Variants in MRPL37 observed in about 807,000 individuals in gnomAD.
MRPL37 encodes the protein mitochondrial ribosomal protein L37.
Under a neutral mutation model 44.1 loss-of-function variants are expected in MRPL37, and 34 were observed. The ratio of observed to expected loss-of-function variants is 0.77; its 90% CI spans 0.59 to 1.03. MRPL37 has a LOEUF of 1.03. MRPL37 is among the 50% of genes least tolerant of loss of function. The probability of loss-of-function intolerance (pLI) is 0.00; values close to 1 mark genes in which losing one functional copy is unlikely to be tolerated. For synonymous variants in MRPL37, 212 were observed against 219.5 expected, an observed-to-expected ratio of 0.97 and a Z score of 0.30; for missense variants, 532 against 543.7, an observed-to-expected ratio of 0.98 and a Z score of 0.21.
intron 5 of MRPL37, 39 bp downstream of exon 5, chr1:54,212,697 G>C (rs372112531): frequency 6.2e-7 from 1 of 1,612,772 alleles, no homozygotes; most frequent in African/African-American, 1.3e-5. Flanking sequence ...GCTTTACGTG[G>C]TGTTGGTCTC....
intron 5 of MRPL37, among the ~76,000 whole-genome samples, chr1:54,215,319 G>C (rs990062092): frequency 1.3e-5 from 2 of 152,132 alleles, no homozygotes; most frequent in Non-Finnish European, 2.9e-5. Context: ...TCTGTTAGTG[G>C]GAATATACCT....
downstream of MRPL37, among the ~76,000 whole-genome samples, chr1:54,222,178 C>G (rs769745490): frequency 4.6e-5 from 7 of 152,232 alleles, no homozygotes; most frequent in Non-Finnish European, 1.0e-4. Context: ...AGGGCTCTTA[C>G]ATGGTCCCTG....
intron 5 of MRPL37, 152 bp downstream of exon 5, chr1:54,212,810 T>C: frequency 9.5e-7 from 1 of 1,047,882 alleles, no homozygotes; most frequent in South Asian, 1.6e-5. Flanking sequence ...CCTGTGGAGA[T>C]GAGCCAACAT....
downstream of MRPL37, among the ~76,000 whole-genome samples, chr1:54,223,372 A>G (rs966117555): frequency 6.6e-6 from 1 of 152,216 alleles, no homozygotes; most frequent in Admixed American, 6.5e-5. Context: ...TCTGGGCTCA[A>G]TCTCCTGGAG....
In MRPL37 at chr1:54,209,967, G is replaced by A. The variant is rs762696753; in HGVS notation, c.668G>A (p.Arg223His). The change falls in exon 4 of 7, where the codon CGT becomes CAT. Residue 223 changes from arginine to histidine, a missense_variant. Coordinates refer to ENST00000360840, the MANE Select transcript of MRPL37 (RefSeq NM_016491.4). Reference protein sequence around the residue: ...WNRESLLLQVRGSGGARLSTK... With the variant: ...WNRESLLLQVHGSGGARLSTK... ...TTAGAGTCTCTTCTCCTTCAAGTCCGTGGTTCTGGTGGAGCCCGACTGAGC... is the reference window on the plus strand; with the variant it reads ...TTAGAGTCTCTTCTCCTTCAAGTCCATGGTTCTGGTGGAGCCCGACTGAGC... 34 of 1,613,948 alleles carry A rather than the reference G, an allele frequency of 2.1e-5. No homozygotes were observed. Among genetic ancestry groups the A allele is most frequent in the South Asian group, 9.9e-5 (9 of 91,058 alleles).
downstream of MRPL37, among the ~76,000 whole-genome samples, chr1:54,221,773 G>A (rs1644236386): frequency 2.0e-5 from 3 of 152,188 alleles, no homozygotes; most frequent in Admixed American, 2.0e-4. Context: ...TGGAACCCAA[G>A]AATAGGTCCA....
chr1:54,208,126 T>C (rs1372633779), intron 3 of MRPL37, among the ~76,000 whole-genome samples: 1 of 152,216 alleles, frequency 6.6e-6, no homozygotes, highest in Non-Finnish European at 1.5e-5. Context: ...GTTTTCCTCT[T>C]GTCACCTACG....
At chr1:54,222,530 A>T (rs1644243325), downstream of MRPL37, among the ~76,000 whole-genome samples, 3 of 152,086 alleles carry the variant, frequency 2.0e-5, no homozygotes. Flanking sequence ...CCCCACTAGC[A>T]AGAAGCCCTC....
chr1:54,208,355 T>A lies in MRPL37; in HGVS notation c.647-1591T>A, dbSNP rs573376384. Among the ~76,000 whole-genome samples, 8 of 151,974 alleles carry A rather than the reference T, an allele frequency of 5.3e-5. No individual in the cohort carries two copies. In the South Asian group the frequency reaches 8.3e-4, roughly 16 times the overall value. On this transcript the variant is annotated intron_variant, in intron 3 of 6. Transcript: ENST00000360840. ...CAGGAGATCAAGACCATCCTGGCTA[T>A]CACGGTGAAACCCGGTCTCTACTAA...
chr1:54,201,538 C>T (rs553278060), intron 1 of MRPL37, among the ~76,000 whole-genome samples: 1 of 152,320 alleles, frequency 6.6e-6, no homozygotes, highest in East Asian at 1.9e-4. Flanking sequence ...AGATTACATT[C>T]GTTTGCCTAG....
At position 54,210,041 on chromosome 1, in the gene MRPL37, A is replaced by C. The variant is rs140065383; in HGVS notation, c.742A>C (p.Thr248Pro). 1 of 1,614,176 alleles carries C rather than the reference A, an allele frequency of 6.2e-7. No homozygotes were observed. The highest frequency in any genetic ancestry group is 1.1e-5 in the South Asian group (1 of 91,072). ...TIASREEIEA[T>P]KNHVLETFYP... ...CGCCTCCAGAGAGGAGATTGAAGCT[A>C]CTAAGAATCATGTTCTAGAGACCTT... Residue 248 changes from threonine to proline, a missense_variant, in exon 4 of 7, where the codon ACT becomes CCT. Thr to Pro is a conservative substitution (Grantham distance 38). Transcript: ENST00000360840.
downstream of MRPL37, among the ~76,000 whole-genome samples, chr1:54,220,446 G>C (rs1478429372): frequency 6.6e-6 from 1 of 152,200 alleles, no homozygotes; most frequent in South Asian, 2.1e-4. Flanking sequence ...CTACACTTTT[G>C]TGTCAAGGGA....
Position 54,216,326 on chromosome 1 carries a change from CAA to C in MRPL37, c.1180_1181del (p.Lys394GlufsTer36). On this transcript the variant is annotated frameshift_variant, in exon 6 of 7. Transcript: ENST00000360840. LOFTEE classifies it high-confidence loss of function. ...AGCATTTTTGGTGTCTCCCAGTGAT[CAA>C]AAAGAGAGTGGTTGTGGTAAGTTGA... Reference protein sequence around the residue: ...YQHFWCLPVIKKRVVVEPVGP... With the variant: ...YQHFWCLPVIXKRVVVEPVGP... The C allele has an allele frequency of 1.2e-6, 2 of 1,613,950 alleles. No homozygotes were observed. Among genetic ancestry groups the C allele is most frequent in the African/African-American group, 1.3e-5 (1 of 75,004 alleles).
intron 3 of MRPL37, among the ~76,000 whole-genome samples, chr1:54,208,042 C>A (rs931727026): frequency 3.3e-5 from 5 of 152,184 alleles, no homozygotes; most frequent in African/African-American, 1.2e-4. Flanking sequence ...ATGTGACCTC[C>A]TGTGGGGACC....
rs183581380 is a variant in MRPL37 at position 54,209,898 on chromosome 1, C to T, written c.647-48C>T. 2.7e-4 allele frequency: 430 copies of T among 1,584,064 alleles called. No individual in the cohort carries two copies. The African/African-American group carries it at 5.0e-3, about 18-fold the overall frequency. Reference sequence around the variant, plus strand: ...AGGCATGAGCTACTGCGCCTAGCTGCGAAAGCCTTTAGTACCAGGTTAGAG... The same window carrying T: ...AGGCATGAGCTACTGCGCCTAGCTGTGAAAGCCTTTAGTACCAGGTTAGAG... On this transcript the variant is annotated intron_variant, in intron 3 of 6. Coordinates refer to ENST00000360840, the MANE Select transcript of MRPL37 (RefSeq NM_016491.4).
downstream of MRPL37, among the ~76,000 whole-genome samples, chr1:54,224,742 A>G (rs2100525917): frequency 6.6e-6 from 1 of 152,024 alleles, no homozygotes; most frequent in East Asian, 1.9e-4. Context: ...CGTGCAAGTC[A>G]GCATCCATAG....
chr1:54,209,939 C>G lies in MRPL37; in HGVS notation c.647-7C>G. 3 of 1,613,340 alleles carry G rather than the reference C, an allele frequency of 1.9e-6. No homozygotes were observed. Among genetic ancestry groups the G allele is most frequent in the Non-Finnish European group, 2.5e-6 (3 of 1,179,702 alleles). ...CAGGTTAGAGTAACCATTTTTCTCCCTTTTAGAGTCTCTTCTCCTTCAAGT... is the reference window on the plus strand; with the variant it reads ...CAGGTTAGAGTAACCATTTTTCTCCGTTTTAGAGTCTCTTCTCCTTCAAGT... On this transcript the variant is annotated splice_polypyrimidine_tract_variant and splice_region_variant and intron_variant, in intron 3 of 6. Transcript: ENST00000360840.
rs1192402394 is a variant in MRPL37 at position 54,200,595 on chromosome 1, G to A, written c.346+6G>A. On this transcript the variant is annotated splice_donor_region_variant and intron_variant, in intron 1 of 6. Coordinates refer to ENST00000360840, the MANE Select transcript of MRPL37 (RefSeq NM_016491.4). The stretch of plus-strand genomic sequence containing the variant: ...CCGTTGCCGCCTTCTCGAGGGTGAG[G>A]CCCCAGGACGGGCGGCAAGGGACCG... 1.9e-6 allele frequency: 3 copies of A among 1,584,216 alleles called. No individual in the cohort carries two copies. The highest frequency in any genetic ancestry group is 2.3e-5 in the South Asian group (2 of 87,436).
In MRPL37 at chr1:54,205,028, G is replaced by A. The variant is rs1382896945; in HGVS notation, c.357G>A (p.Gln119=). ...CTAATTACCTCAAAGGTGTAAAGCA[G>A]GCCCTCTGGCTCACCAAGACCAAGT... The part of the protein sequence containing the change: ...HRCRLLEGVK[Q]ALWLTKTKLI... Residue 119 remains glutamine (Q), a synonymous_variant, in exon 2 of 7, where the codon CAG becomes CAA. Transcript: ENST00000360840. 3.1e-6 allele frequency: 5 copies of A among 1,613,658 alleles called. No homozygotes were observed. Among genetic ancestry groups the A allele is most frequent in the Non-Finnish European group, 4.2e-6 (5 of 1,179,882 alleles).
Sources: allele counts gnomAD v4.1 joint callset (sites outside exome capture counted in the v4.1 genomes callset), GRCh38; gene constraint gnomAD v4.1.1; transcripts MANE v1.5; gene names NCBI Gene and HGNC (gene_info 2026-07-23, HGNC 2026-07-21).